The following USP14 variants were observed in gnomAD, a reference collection of about 807,000 sequenced individuals.
USP14 encodes the protein ubiquitin specific peptidase 14.
In USP14, 38 loss-of-function variants were observed where a neutral mutation model predicts 76.5. The observed-to-expected ratio is 0.50, with a 90% CI of 0.38 to 0.65. USP14 has a LOEUF of 0.65. Ranked by LOEUF, USP14 falls within the 30% of genes least tolerant of loss-of-function variation. The pLI is 0.00. For missense variants in USP14, 467 were observed against 586.5 expected (o/e 0.80, Z 2.10); for synonymous variants, 192 against 191.7 (o/e 1.00, Z -0.01).
chr18:211,119 T>C lies in USP14; in HGVS notation c.1334-14T>C, dbSNP rs752274287. On this transcript the variant is annotated splice_polypyrimidine_tract_variant and intron_variant, in intron 15 of 15. Transcript: ENST00000261601. ...TGCATAACATTAATTCATCTTCTTG[T>C]CCCTGTTATTTAGATGAATGGATTA... 1 of 1,605,852 alleles carries C rather than the reference T, an allele frequency of 6.2e-7. No individual in the cohort carries two copies. The highest frequency in any genetic ancestry group is 1.1e-5 in the South Asian group (1 of 90,170).
At chr18:162,495 C>T (rs1568414211) in intron 1 of USP14, among the ~76,000 whole-genome samples, 1 of 152,128 alleles carries the variant, frequency 6.6e-6, no homozygotes, top group Non-Finnish European at 1.5e-5. Context: ...TGACACTTTT[C>T]AATTCTCCCA....
At chr18:170,072 C>G (rs922538768) in intron 3 of USP14, among the ~76,000 whole-genome samples, 2 of 151,982 alleles carry the variant, frequency 1.3e-5, no homozygotes, top group African/African-American at 4.8e-5. Flanking sequence ...GAGGCTGAGG[C>G]GGGTGGATTC....
At chr18:208,608 T>A (rs1397495990) in intron 13 of USP14, among the ~76,000 whole-genome samples, 1 of 152,180 alleles carries the variant, frequency 6.6e-6, no homozygotes, top group Non-Finnish European at 1.5e-5. Context: ...CTTGTATTTT[T>A]AAAAATTTAT....
rs929595613 is a variant in USP14, at chr18:211,909, T to C, written c.*625T>C. The C allele has an allele frequency of 1.0e-5, 1 of 95,290 alleles. No homozygotes were observed. The highest frequency in any genetic ancestry group is 2.9e-5 in the African/African-American group (1 of 34,852). 5.9% of individuals were successfully genotyped at this position (95,290 alleles called of 1,614,324 possible). ...GATTATACATTTATTATTGTGTCTC[T>C]CTCTGATGTACTGTGGATTGTACAT... is the stretch of plus-strand genomic sequence containing the variant. On this transcript the variant is annotated 3_prime_UTR_variant, in exon 16 of 16. Transcript: ENST00000261601.
intron 3 of USP14, among the ~76,000 whole-genome samples, chr18:170,199 G>C (rs1909403487): frequency 6.6e-6 from 1 of 152,126 alleles, no homozygotes; most frequent in Non-Finnish European, 1.5e-5. Context: ...AGCTATTCGG[G>C]AGGCTGAGGC....
At chr18:181,819 GACTT>G (rs571847565) in intron 5 of USP14, among the ~76,000 whole-genome samples, 4 of 152,046 alleles carry the variant, frequency 2.6e-5, no homozygotes, top group Non-Finnish European at 4.4e-5. Flanking sequence ...AGGTTACAAA[GACTT>G]ACTTCTTTGT....
intron 1 of USP14, among the ~76,000 whole-genome samples, chr18:162,428 A>T (rs577643087): frequency 6.6e-5 from 10 of 152,288 alleles, no homozygotes; most frequent in Non-Finnish European, 1.5e-4. Flanking sequence ...ATATATTTTT[A>T]AATGATTTAG....
At chr18:198,645 AT>A (rs1361249201) in intron 9 of USP14, among the ~76,000 whole-genome samples, 4 of 152,130 alleles carry the variant, frequency 2.6e-5, no homozygotes, top group Admixed American at 2.0e-4. Context: ...ATTATTTTAA[AT>A]TTATTTCTTG....
intron 3 of USP14, among the ~76,000 whole-genome samples, chr18:174,996 G>T (rs72856234): frequency 6.6e-6 from 1 of 151,848 alleles, no homozygotes; most frequent in African/African-American, 2.4e-5. Flanking sequence ...GGCTGTTCTC[G>T]AACTGGTCTC....
chr18:166,843 T>G, intron 3 of USP14, 24 bp downstream of exon 3: 1 of 1,603,110 alleles, frequency 6.2e-7, no homozygotes, highest in Non-Finnish European at 8.5e-7. Context: ...TATGAACGTT[T>G]ATTATAATGC....
intron 3 of USP14, among the ~76,000 whole-genome samples, chr18:173,177 C>T (rs1236754724): frequency 3.3e-5 from 5 of 150,966 alleles, no homozygotes; most frequent in East Asian, 2.0e-4. Context: ...GGCACGATCT[C>T]GGCTCACTGC....
chr18:209,624 T>C (rs1425822888), intron 13 of USP14, among the ~76,000 whole-genome samples: 3 of 152,182 alleles, frequency 2.0e-5, no homozygotes, highest in African/African-American at 7.2e-5. Flanking sequence ...GGTTTGACAG[T>C]ATTTTGGTAA....
intron 5 of USP14, among the ~76,000 whole-genome samples, chr18:190,754 C>T (rs2143045923): frequency 6.6e-6 from 1 of 152,178 alleles, no homozygotes; most frequent in African/African-American, 2.4e-5. Flanking sequence ...ATTGACTTGA[C>T]AGAGATAAGG....
intron 5 of USP14, among the ~76,000 whole-genome samples, chr18:191,348 C>G (rs1310780280): frequency 6.6e-6 from 1 of 152,086 alleles, no homozygotes; most frequent in Non-Finnish European, 1.5e-5. Flanking sequence ...CAATTGAGTA[C>G]AATTTAACAC....
At chr18:160,607 G>A (rs993482941) in intron 1 of USP14, among the ~76,000 whole-genome samples, 1 of 152,214 alleles carries the variant, frequency 6.6e-6, no homozygotes, top group African/African-American at 2.4e-5. Flanking sequence ...GTAATCCTGT[G>A]ATACTGGTAT....
chr18:197,493 T>C (rs544413942), intron 7 of USP14, 123 bp from the exon 8 acceptor site: 51 of 681,246 alleles, frequency 7.5e-5, no homozygotes, highest in Non-Finnish European at 1.1e-4. Flanking sequence ...GTATGTCTTA[T>C]TTGGCTTAAT....
chr18:166,851 T>C (rs777946954), intron 3 of USP14, 32 bp downstream of exon 3: 172 of 1,592,452 alleles, frequency 1.1e-4, no homozygotes, highest in Admixed American at 5.6e-4. Flanking sequence ...TTTATTATAA[T>C]GCAGTAACCT....
rs1910130164 is a variant in USP14 at position 192,915 on chromosome 18, T to C, written c.463+15T>C. On this transcript the variant is annotated intron_variant, in intron 6 of 15. Coordinates refer to ENST00000261601, the MANE Select transcript of USP14 (RefSeq NM_005151.4). Reference sequence around the variant, plus strand: ...TATTACTGCAGGTTTGTATACTAAATATACTACTTTTTGATAGGAGTAAGA... The same window carrying C: ...TATTACTGCAGGTTTGTATACTAAACATACTACTTTTTGATAGGAGTAAGA... 2.5e-6 allele frequency: 4 copies of C among 1,606,792 alleles called. No individual in the cohort carries two copies. The East Asian group carries it at 8.9e-5, about 36-fold the overall frequency.
At chr18:208,359 T>C (rs937054141) in intron 13 of USP14, among the ~76,000 whole-genome samples, 4 of 152,136 alleles carry the variant, frequency 2.6e-5, no homozygotes, top group Non-Finnish European at 4.4e-5. Flanking sequence ...TCCCGTTTCA[T>C]TGCTGATATT....
Sources: allele counts gnomAD v4.1 joint callset (sites outside exome capture counted in the v4.1 genomes callset), GRCh38; gene constraint gnomAD v4.1.1; transcripts MANE v1.5; gene names NCBI Gene and HGNC (gene_info 2026-07-23, HGNC 2026-07-21).